The following MGAT4C variants were observed in gnomAD, a reference collection of about 807,000 sequenced individuals.
The protein encoded by MGAT4C is MGAT4 family member C.
Under a neutral mutation model 40.1 loss-of-function variants are expected in MGAT4C, and 19 were observed. The observed-to-expected ratio is 0.47, with a 90% CI of 0.33 to 0.70. MGAT4C has a LOEUF of 0.70. Among genes scored for constraint, MGAT4C ranks in the 30% least tolerant of loss-of-function variants. The pLI is 0.02. For missense variants in MGAT4C, 491 were observed against 563.2 expected, an observed-to-expected ratio of 0.87 and a Z score of 1.30; for synonymous variants, 181 against 187.1, an observed-to-expected ratio of 0.97 and a Z score of 0.27.
chr12:86,113,351 G>A (rs940606134), intron 1 of MGAT4C, among the ~76,000 whole-genome samples: 12 of 151,740 alleles, frequency 7.9e-5, no homozygotes, highest in African/African-American at 1.2e-4. Context: ...GTGGTGCAAC[G>A]TTTGCTTTTC....
At chr12:85,994,726 C>A (rs767998363) in intron 2 of MGAT4C, among the ~76,000 whole-genome samples, 1 of 152,030 alleles carries the variant, frequency 6.6e-6, no homozygotes, top group African/African-American at 2.4e-5. Flanking sequence ...TAGCTGATTT[C>A]AAGTAGGGAG....
intron 2 of MGAT4C, among the ~76,000 whole-genome samples, chr12:86,539,525 T>G (rs991871510): frequency 1.3e-5 from 2 of 152,224 alleles, no homozygotes; most frequent in Non-Finnish European, 2.9e-5. Context: ...TTATAATCCT[T>G]TGGGTATGTA....
intron 2 of MGAT4C, among the ~76,000 whole-genome samples, chr12:86,667,092 A>G (rs1490027636): frequency 6.6e-6 from 1 of 152,194 alleles, no homozygotes; most frequent in Non-Finnish European, 1.5e-5. Context: ...TCATGGTACA[A>G]AACAGATCAG....
rs187365416 is a variant in MGAT4C, at chr12:85,956,103, A to C, written c.*23186T>G. 1.9e-3 allele frequency: 290 copies of C among 152,358 alleles called. No homozygotes were observed. The highest frequency in any genetic ancestry group is 6.7e-3 in the African/African-American group (280 of 41,594). The allele number at this position is 152,358 out of a possible 1,614,324, so 9.4% of individuals were successfully genotyped here. A position where few individuals can be genotyped will look rare whatever the true frequency, so the allele number is the denominator to read the frequency against. The stretch of plus-strand genomic sequence containing the variant: ...TCACGACTGAAATCACTCTTTCAAT[A>C]ACAAAAGATATATTTGTATGGTAGC... On this transcript the variant is annotated 3_prime_UTR_variant, in exon 5 of 5. Transcript: ENST00000611864.
chr12:86,753,447 T>C (rs1169213661), intron 1 of MGAT4C, among the ~76,000 whole-genome samples: 1 of 152,130 alleles, frequency 6.6e-6, no homozygotes. Context: ...AATATGTGGG[T>C]AAATCTCTGT....
At chr12:86,377,270 G>A (rs1287802965) in intron 3 of MGAT4C, among the ~76,000 whole-genome samples, 1 of 152,012 alleles carries the variant, frequency 6.6e-6, no homozygotes, top group Non-Finnish European at 1.5e-5. Context: ...TCTTGGTCAG[G>A]CTGGTCTCCA....
At chr12:86,401,215 T>G (rs1956355194) in intron 3 of MGAT4C, among the ~76,000 whole-genome samples, 1 of 151,824 alleles carries the variant, frequency 6.6e-6, no homozygotes, top group Non-Finnish European at 1.5e-5. Context: ...AGGTCCCATA[T>G]TTATGAGATT....
intron 2 of MGAT4C, among the ~76,000 whole-genome samples, chr12:86,695,016 T>C (rs1184024623): frequency 1.3e-5 from 2 of 152,172 alleles, no homozygotes; most frequent in African/African-American, 4.8e-5. Context: ...GCAAACTACC[T>C]ATCTGACAAA....
chr12:86,331,860 T>C (rs1372084651), intron 4 of MGAT4C, among the ~76,000 whole-genome samples: 1 of 152,138 alleles, frequency 6.6e-6, no homozygotes, highest in Non-Finnish European at 1.5e-5. Flanking sequence ...TACAACCTAA[T>C]AGGTTGTATA....
chr12:86,257,106 CA>C (rs1952542246), upstream of MGAT4C, among the ~76,000 whole-genome samples: 1 of 152,148 alleles, frequency 6.6e-6, no homozygotes, highest in South Asian at 2.1e-4. Context: ...ACTGGAACTT[CA>C]GACAATCCCA....
At chr12:86,598,317 T>A (rs929731444) in intron 2 of MGAT4C, among the ~76,000 whole-genome samples, 1 of 152,124 alleles carries the variant, frequency 6.6e-6, no homozygotes, top group African/African-American at 2.4e-5. Flanking sequence ...GTATACTTAT[T>A]CCTTTCATTG....
Position 86,604,611 on chromosome 12 carries a change from C to G in MGAT4C, c.-229+122598G>C, listed in dbSNP as rs546009149. On this transcript the variant is annotated intron_variant, in intron 2 of 7. Transcript: ENST00000548651. ...ATAAACTACACACTCATTCTTCTTT[C>G]ACAAAAGAAAAAACTGGAAGTCACT... Among the ~76,000 whole-genome samples, 8 of 152,196 alleles carry G rather than the reference C, an allele frequency of 5.3e-5. No homozygotes were observed. The South Asian group carries it at 1.7e-3, about 32-fold the overall frequency.
chr12:86,231,032 A>G (rs928690699), intron 1 of MGAT4C, among the ~76,000 whole-genome samples: 4 of 152,188 alleles, frequency 2.6e-5, no homozygotes, highest in Non-Finnish European at 5.9e-5. Flanking sequence ...AGAAAAGCCG[A>G]GTCAAATTGA....
rs1010290906 is a variant in MGAT4C at position 86,365,017 on chromosome 12, A to C, written c.-119-30890T>G. ...GTCTGACCAAAATTTATTAGGTGGG[A>C]ATTTCCTCGTCCTAATACGCCTGGG... On this transcript the variant is annotated intron_variant, in intron 3 of 7. Coordinates refer to the MGAT4C transcript ENST00000548651. 3.9e-5 allele frequency among the ~76,000 whole-genome samples: 6 copies of C among 152,200 alleles called. No homozygotes were observed. The South Asian group carries it at 1.0e-3, about 26-fold the overall frequency.
intron 1 of MGAT4C, among the ~76,000 whole-genome samples, chr12:86,805,326 G>C (rs1345061100): frequency 6.6e-6 from 1 of 151,844 alleles, no homozygotes; most frequent in African/African-American, 2.4e-5. Context: ...CCCAGGTACT[G>C]AGCATAGTAT....
At chr12:86,025,838 T>A (rs61931110) in intron 2 of MGAT4C, among the ~76,000 whole-genome samples, 24,067 of 151,562 alleles carry the variant, frequency 0.16, 2,264 homozygotes, top group African/African-American at 0.27. Flanking sequence ...CTCCCCAGAC[T>A]GTGGTGTAAG....
intron 1 of MGAT4C, among the ~76,000 whole-genome samples, chr12:86,774,419 C>CTCTCTT (rs1555227886): frequency 9.7e-6 from 1 of 102,864 alleles, no homozygotes; most frequent in African/African-American, 3.0e-5. Context: ...CTCTCTCTCT[C>CTCTCTT]TCTTTCTTTC....
Position 85,973,218 on chromosome 12 carries a change from C to T in MGAT4C, c.*6071G>A, listed in dbSNP as rs183430157. On this transcript the variant is annotated 3_prime_UTR_variant, in exon 5 of 5. Transcript: ENST00000611864. ...AAATCCTACGTCTCTTCCAGAACTT[C>T]GAGTGCACTATAAATTAAATATTTA... is the stretch of plus-strand genomic sequence containing the variant. 27 of 150,800 alleles carry T rather than the reference C, an allele frequency of 1.8e-4. No homozygotes were observed. Among genetic ancestry groups the T allele is most frequent in the African/African-American group, 4.6e-4 (19 of 41,422 alleles). 9.3% of individuals were successfully genotyped at this position (150,800 alleles called of 1,614,324 possible). A position where few individuals can be genotyped will look rare whatever the true frequency, so the allele number is the denominator to read the frequency against.
intron 1 of MGAT4C, among the ~76,000 whole-genome samples, chr12:86,751,942 T>C (rs947728959): frequency 1.3e-5 from 2 of 152,014 alleles, no homozygotes; most frequent in Admixed American, 1.3e-4. Flanking sequence ...TTAACTGATA[T>C]AAACCATATA....
Sources: allele counts gnomAD v4.1 joint callset (sites outside exome capture counted in the v4.1 genomes callset), GRCh38; gene constraint gnomAD v4.1.1; transcripts MANE v1.5; gene names NCBI Gene and HGNC (gene_info 2026-07-23, HGNC 2026-07-21).